Variants in LEKR1 observed in about 807,000 individuals in gnomAD.
LEKR1 encodes protein LEKR1.
LEKR1 carries 59 observed loss-of-function variants against 72.4 expected under a neutral mutation model. That is an observed-to-expected ratio of 0.82 (90% CI 0.66 to 1.01). The LOEUF (loss-of-function observed/expected upper bound fraction) is 1.01, where lower values mean the gene tolerates loss of function less well. Ranked by LOEUF, LEKR1 falls within the 50% of genes least tolerant of loss-of-function variation. LEKR1 has a pLI of 0.00. For missense variants in LEKR1, 728 were observed against 759.2 expected (o/e 0.96, Z 0.48); for synonymous variants, 257 against 263.2 (o/e 0.98, Z 0.23).
At chr3:156,971,434 G>T (rs1251957681) in intron 6 of LEKR1, among the ~76,000 whole-genome samples, 1 of 152,176 alleles carries the variant, frequency 6.6e-6, no homozygotes, top group Admixed American at 6.5e-5. Flanking sequence ...GCATGGGCAA[G>T]GACTTCATGT....
At chr3:156,992,831 C>A in intron 8 of LEKR1, 101 bp downstream of exon 8, 1 of 308,420 alleles carries the variant, frequency 3.2e-6, no homozygotes, top group Non-Finnish European at 5.6e-6. Flanking sequence ...TTTTTATTTT[C>A]TTATTGTTTA....
rs143681010 is a variant in LEKR1 at position 156,974,761 on chromosome 3, TACA to T, written c.746-4429_746-4427del. 8.1e-4 allele frequency among the ~76,000 whole-genome samples: 123 copies of T among 152,292 alleles called. 1 individual carries two copies. The highest frequency in any genetic ancestry group is 2.8e-3 in the African/African-American group (117 of 41,564). ...TTTTTCTAACAGAAAAATAGAATAA[TACA>T]ACATGTATGTGTTCCCATCATCCAT... On this transcript the variant is annotated intron_variant, in intron 6 of 12. Transcript: ENST00000356539.
Position 157,028,193 on chromosome 3 carries a change from A to G in LEKR1, c.1459A>G (p.Thr487Ala), listed in dbSNP as rs1465164532. 1.2e-6 allele frequency: 2 copies of G among 1,611,902 alleles called. No individual in the cohort carries two copies. The highest frequency in any genetic ancestry group is 2.2e-5 in the South Asian group (2 of 90,970). ...ACTTCACAAATCCCATATTCGGTAC[A>G]CTGAAGAATCTAATTCAAAGGAAAA... Reference protein sequence around the residue: ...EKLHKSHIRYTEESNSKEKEI... With the variant: ...EKLHKSHIRYAEESNSKEKEI... Residue 487 changes from threonine (T) to alanine (A), a missense_variant, in exon 12 of 13, where the codon ACT becomes GCT. Transcript: ENST00000356539.
At chr3:157,013,524 T>C (rs1475790058) in intron 10 of LEKR1, among the ~76,000 whole-genome samples, 1 of 152,184 alleles carries the variant, frequency 6.6e-6, no homozygotes, top group East Asian at 1.9e-4. Context: ...CCATGATATC[T>C]TTCTAATGAA....
rs1488885784 is a variant in LEKR1 at position 156,882,033 on chromosome 3, A to G, written c.263+29051A>G. On this transcript the variant is annotated intron_variant, in intron 3 of 12. Transcript: ENST00000356539. ...GATTAAAGACTTAAACGTTAGACCT[A>G]AAACCATAAAAACCCTAGAAGAAAA... 4.4e-5 allele frequency among the ~76,000 whole-genome samples: 6 copies of G among 136,080 alleles called. No homozygotes were observed. In the Admixed American group the frequency reaches 4.6e-4, roughly 10 times the overall value. 89.3% of individuals were successfully genotyped at this position (136,080 alleles called of 152,430 possible).
intron 12 of LEKR1, among the ~76,000 whole-genome samples, chr3:157,043,922 C>T (rs540796844): frequency 6.6e-6 from 1 of 152,126 alleles, no homozygotes; most frequent in Non-Finnish European, 1.5e-5. Flanking sequence ...CCCAGGAATG[C>T]AGCTTTTATA....
intron 3 of LEKR1, among the ~76,000 whole-genome samples, chr3:156,906,539 G>A (rs1043369888): frequency 4.6e-5 from 7 of 152,146 alleles, no homozygotes; most frequent in Non-Finnish European, 1.5e-5. Context: ...ATTCTGTGCC[G>A]AATTGTGACT....
At chr3:156,980,160 T>C (rs1730059469) in intron 7 of LEKR1, 1 of 152,192 alleles carries the variant, frequency 6.6e-6, no homozygotes, top group African/African-American at 2.4e-5. Context: ...ATGATATATA[T>C]GATTTTCAGT....
chr3:156,982,874 G>C (rs1730342456), intron 7 of LEKR1, among the ~76,000 whole-genome samples: 1 of 150,364 alleles, frequency 6.7e-6, no homozygotes, highest in Non-Finnish European at 1.5e-5. Flanking sequence ...TAGATAGATA[G>C]ATAGATAGAT....
At chr3:156,924,529 CT>C in intron 4 of LEKR1, 1 of 676,562 alleles carries the variant, frequency 1.5e-6, no homozygotes, top group Non-Finnish European at 2.7e-6. Context: ...AGAACTCTGT[CT>C]AAGCCGGTCA....
chr3:156,866,574 G>A (rs1477662587), intron 3 of LEKR1, among the ~76,000 whole-genome samples: 3 of 152,006 alleles, frequency 2.0e-5, no homozygotes, highest in South Asian at 2.1e-4. Flanking sequence ...CCACTATATC[G>A]TTAATATACT....
intron 2 of LEKR1, among the ~76,000 whole-genome samples, chr3:156,844,720 A>G (rs866630799): frequency 6.6e-6 from 1 of 152,102 alleles, no homozygotes; most frequent in Non-Finnish European, 1.5e-5. Context: ...GTAGTATTCC[A>G]TGGTATGAAT....
chr3:156,892,630 C>T (rs923468863), intron 3 of LEKR1, among the ~76,000 whole-genome samples: 1 of 152,182 alleles, frequency 6.6e-6, no homozygotes, highest in African/African-American at 2.4e-5. Flanking sequence ...ATTTCCTGCT[C>T]ATTATACCCT....
chr3:157,024,604 C>G (rs140622829), intron 10 of LEKR1, among the ~76,000 whole-genome samples, 156 bp from the exon 11 acceptor site: 290 of 152,224 alleles, frequency 1.9e-3, no homozygotes, highest in Non-Finnish European at 3.7e-3. Context: ...GGCCCAAGTT[C>G]TAAGTCACAC....
At chr3:156,922,297 G>C (rs571512636) in intron 4 of LEKR1, among the ~76,000 whole-genome samples, 2 of 151,926 alleles carry the variant, frequency 1.3e-5, no homozygotes, top group East Asian at 3.9e-4. Flanking sequence ...TTTTAAGCTA[G>C]ATTATTGATT....
At chr3:156,946,132 A>G (rs542468381) in intron 6 of LEKR1, among the ~76,000 whole-genome samples, 8 of 150,826 alleles carry the variant, frequency 5.3e-5, no homozygotes, top group East Asian at 3.9e-4. Flanking sequence ...TCTTTCATCA[A>G]TGTTTTCATT....
chr3:157,007,414 T>C (rs1243202299), intron 9 of LEKR1, among the ~76,000 whole-genome samples: 1 of 152,182 alleles, frequency 6.6e-6, no homozygotes, highest in Non-Finnish European at 1.5e-5. Context: ...ACTTAGCAGT[T>C]ACTGGAAGTA....
In LEKR1 at chr3:156,841,301, T is replaced by C. The variant is rs115119660; in HGVS notation, c.49-11467T>C. Among the ~76,000 whole-genome samples, 1,289 of 152,350 alleles carry C rather than the reference T, an allele frequency of 8.5e-3. 26 individuals are homozygous for C. The highest frequency in any genetic ancestry group is 0.03 in the African/African-American group (1,238 of 41,574). On this transcript the variant is annotated intron_variant, in intron 2 of 12. Transcript: ENST00000356539. ...GCCAAGTTAGAGAATGTTTAACAACTTCAGTGTTTTGAAAATATAAAATAT... is the reference window on the plus strand; with the variant it reads ...GCCAAGTTAGAGAATGTTTAACAACCTCAGTGTTTTGAAAATATAAAATAT...
intron 7 of LEKR1, among the ~76,000 whole-genome samples, chr3:156,985,550 TGAGGCCAGGCGTA>T (rs1400689635): frequency 6.6e-6 from 1 of 152,168 alleles, no homozygotes; most frequent in Non-Finnish European, 1.5e-5. Flanking sequence ...TTAAGAATTT[TGAGGCCAGGCGTA>T]GTGGCTCATA....
Sources: gnomAD v4.1 joint callset for allele counts (sites outside exome capture counted in the v4.1 genomes callset) on GRCh38, gnomAD v4.1.1 for gene constraint, MANE v1.5 for transcripts, NCBI Gene and HGNC (gene_info 2026-07-23, HGNC 2026-07-21) for gene names.